SPOCK1: variants seen among roughly 807,000 people sequenced by gnomAD.
SPOCK1 encodes testican-1.
A neutral mutation model predicts 55.3 loss-of-function variants in SPOCK1; 23 were observed. The observed-to-expected ratio is 0.42, with a 90% confidence interval of 0.30 to 0.59. The LOEUF (loss-of-function observed/expected upper bound fraction) is 0.59, where lower values mean the gene tolerates loss of function less well. SPOCK1 is among the 20% of genes least tolerant of loss of function. SPOCK1 has a pLI of 0.22. For missense variants in SPOCK1, 499 were observed against 552.5 expected (o/e 0.90, Z 0.97); for synonymous variants, 226 against 221.0 (o/e 1.02, Z -0.20).
At chr5:137,173,227 C>T (rs188593745) in intron 3 of SPOCK1, among the ~76,000 whole-genome samples, 1 of 152,202 alleles carries the variant, frequency 6.6e-6, no homozygotes, top group African/African-American at 2.4e-5. Context: ...CAAGGAGTGA[C>T]TCAAAGAAAA....
intron 3 of SPOCK1, among the ~76,000 whole-genome samples, chr5:137,199,395 C>T (rs865806160): frequency 3.9e-5 from 6 of 152,072 alleles, no homozygotes; most frequent in Non-Finnish European, 7.4e-5. Flanking sequence ...CTCTTAAGTT[C>T]GGGCTGGTTA....
chr5:137,306,899 G>T (rs1757709709), intron 2 of SPOCK1, among the ~76,000 whole-genome samples: 1 of 152,076 alleles, frequency 6.6e-6, no homozygotes, highest in African/African-American at 2.4e-5. Context: ...CAAAATCTGG[G>T]TGCACCCATG....
At chr5:137,373,765 T>C (rs11747006) in intron 2 of SPOCK1, among the ~76,000 whole-genome samples, 19,466 of 152,268 alleles carry the variant, frequency 0.13, 1,564 homozygotes, top group East Asian at 0.27. Flanking sequence ...CCAACTCTTG[T>C]ACAGGAGGAC....
At chr5:137,069,180 A>G (rs936744850) in intron 5 of SPOCK1, among the ~76,000 whole-genome samples, 6 of 152,346 alleles carry the variant, frequency 3.9e-5, no homozygotes, top group African/African-American at 1.2e-4. Flanking sequence ...TATACCGATT[A>G]GAAACGGAGG....
chr5:137,184,062 C>A (rs568865797), intron 3 of SPOCK1, among the ~76,000 whole-genome samples: 1 of 152,278 alleles, frequency 6.6e-6, no homozygotes, highest in African/African-American at 2.4e-5. Flanking sequence ...AAGGTGTGGC[C>A]TTAGGATTTA....
At chr5:137,010,602 G>A (rs1050919562) in intron 6 of SPOCK1, among the ~76,000 whole-genome samples, 1 of 152,100 alleles carries the variant, frequency 6.6e-6, no homozygotes, top group Non-Finnish European at 1.5e-5. Flanking sequence ...GCTCACTCCA[G>A]CCTCCAGTTC....
chr5:137,217,478 C>T (rs1755740364), intron 3 of SPOCK1, among the ~76,000 whole-genome samples: 1 of 152,212 alleles, frequency 6.6e-6, no homozygotes, highest in Non-Finnish European at 1.5e-5. Context: ...AAAACATGGA[C>T]TCTGCGATTG....
intron 2 of SPOCK1, among the ~76,000 whole-genome samples, chr5:137,405,441 T>C (rs945529315): frequency 6.6e-6 from 1 of 152,120 alleles, no homozygotes; most frequent in African/African-American, 2.4e-5. Flanking sequence ...TGCCCGTTTC[T>C]CCTGTGTCCT....
At chr5:137,403,454 A>C (rs761711257) in intron 2 of SPOCK1, among the ~76,000 whole-genome samples, 2 of 152,240 alleles carry the variant, frequency 1.3e-5, no homozygotes, top group Non-Finnish European at 2.9e-5. Context: ...CCTTGCCATC[A>C]TCAAATTCAC....
chr5:137,140,103 C>A (rs1242670700), intron 4 of SPOCK1, among the ~76,000 whole-genome samples: 2 of 152,044 alleles, frequency 1.3e-5, no homozygotes, highest in Non-Finnish European at 2.9e-5. Context: ...GAAGGCAGGA[C>A]CCAAAAACCA....
rs377086569 is a variant in SPOCK1 at position 137,338,112 on chromosome 5, G to A, written c.187-71057C>T. Among the ~76,000 whole-genome samples, 69 of 152,242 alleles carry A rather than the reference G, an allele frequency of 4.5e-4. No individual in the cohort carries two copies. The South Asian group carries it at 0.013, about 29-fold the overall frequency. ...TATACATGTGCCATGTTGGTGTGCT[G>A]CACCCAATAACTCGTCATTTAGCAT... On this transcript the variant is annotated intron_variant, in intron 2 of 10. Coordinates refer to ENST00000394945, the MANE Select transcript of SPOCK1 (RefSeq NM_004598.4).
rs567511891 is a variant in SPOCK1 at position 137,079,566 on chromosome 5, C to T, written c.475-11737G>A. ...CCCCCGACTTAGTGAAATGTCGTAC[C>T]AAAGATCCCAAACTAACATTTTGCT... On this transcript the variant is annotated intron_variant, in intron 5 of 10. Coordinates refer to ENST00000394945, the MANE Select transcript of SPOCK1 (RefSeq NM_004598.4). Among the ~76,000 whole-genome samples, 8 of 147,056 alleles carry T rather than the reference C, an allele frequency of 5.4e-5. No individual in the cohort carries two copies. In the South Asian group the frequency reaches 1.5e-3, roughly 28 times the overall value.
At chr5:137,190,671 C>A (rs1186967361) in intron 3 of SPOCK1, among the ~76,000 whole-genome samples, 1 of 152,136 alleles carries the variant, frequency 6.6e-6, no homozygotes, top group African/African-American at 2.4e-5. Flanking sequence ...ACTTTGGAAT[C>A]TTTGTCATAC....
At chr5:137,291,956 T>C (rs760323583) in intron 2 of SPOCK1, among the ~76,000 whole-genome samples, 1 of 152,150 alleles carries the variant, frequency 6.6e-6, no homozygotes, top group Non-Finnish European at 1.5e-5. Context: ...CATGGCCCTA[T>C]TAGGAAGAGG....
At chr5:137,144,447 C>A (rs1348819959) in intron 3 of SPOCK1, among the ~76,000 whole-genome samples, 2 of 152,220 alleles carry the variant, frequency 1.3e-5, no homozygotes, top group Admixed American at 1.3e-4. Flanking sequence ...TTACTGGGGT[C>A]TGAATACTTC....
At chr5:137,419,714 G>C (rs750157856) in intron 2 of SPOCK1, among the ~76,000 whole-genome samples, 42 of 152,068 alleles carry the variant, frequency 2.8e-4, no homozygotes, top group Non-Finnish European at 4.6e-4. Flanking sequence ...GAGACGATGG[G>C]GTTTTCTAGA....
At chr5:137,051,061 C>T (rs529012479) in intron 6 of SPOCK1, among the ~76,000 whole-genome samples, 49 of 152,156 alleles carry the variant, frequency 3.2e-4, no homozygotes, top group African/African-American at 1.1e-3. Context: ...TTTTGAATAT[C>T]GTCGGAGAGA....
chr5:137,374,061 G>A (rs1391805373), intron 2 of SPOCK1, among the ~76,000 whole-genome samples: 1 of 152,244 alleles, frequency 6.6e-6, no homozygotes, highest in Non-Finnish European at 1.5e-5. Context: ...CTATCTCATA[G>A]GACTGTCGGG....
chr5:137,188,949 T>C (rs1755124940), intron 3 of SPOCK1, among the ~76,000 whole-genome samples: 1 of 152,212 alleles, frequency 6.6e-6, no homozygotes, highest in Non-Finnish European at 1.5e-5. Flanking sequence ...GTGCTCTAGA[T>C]AGAAAATCAA....
Sources: gnomAD v4.1 joint callset for allele counts (sites outside exome capture counted in the v4.1 genomes callset) on GRCh38, gnomAD v4.1.1 for gene constraint, MANE v1.5 for transcripts, NCBI Gene and HGNC (gene_info 2026-07-23, HGNC 2026-07-21) for gene names.